The following AP4E1 variants were observed in gnomAD, a reference collection of about 807,000 sequenced individuals.
AP4E1 encodes the protein adaptor related protein complex 4 subunit epsilon 1, also known as AP-4 complex subunit epsilon-1.
A neutral mutation model predicts 128.2 loss-of-function variants in AP4E1; 56 were observed. That is an observed-to-expected ratio of 0.44 (90% CI 0.35 to 0.55). AP4E1 has a LOEUF of 0.55. AP4E1 is among the 20% of genes least tolerant of loss of function. The probability of loss-of-function intolerance (pLI) is 0.00; values close to 1 mark genes in which losing one functional copy is unlikely to be tolerated. For synonymous variants in AP4E1, 484 were observed against 473.1 expected (o/e 1.02, Z -0.30); for missense variants, 1,324 against 1,307.7 (o/e 1.01, Z -0.19).
intron 14 of AP4E1, among the ~76,000 whole-genome samples, chr15:50,960,449 A>G (rs1227971487): frequency 6.6e-6 from 1 of 150,442 alleles, no homozygotes; most frequent in Non-Finnish European, 1.5e-5. Context: ...TGATAAAACT[A>G]GAAATTAATA....
At chr15:50,932,370 A>G (rs1203347643) in intron 7 of AP4E1, among the ~76,000 whole-genome samples, 3 of 152,202 alleles carry the variant, frequency 2.0e-5, no homozygotes, top group African/African-American at 7.2e-5. Flanking sequence ...AGATTCATCA[A>G]TTTATTTTCA....
intron 2 of AP4E1, among the ~76,000 whole-genome samples, chr15:50,912,621 G>A (rs1240584824): frequency 1.3e-5 from 2 of 151,970 alleles, no homozygotes. Context: ...GCCACTGTGG[G>A]GCTGTCCCAG....
At chr15:50,974,622 T>C (rs1225391343) in intron 15 of AP4E1, among the ~76,000 whole-genome samples, 1 of 152,150 alleles carries the variant, frequency 6.6e-6, no homozygotes, top group Non-Finnish European at 1.5e-5. Flanking sequence ...GGTTGCACCA[T>C]TTTGCATTCC....
rs924185548 is a variant in AP4E1 at position 51,005,078 on chromosome 15, G to C, written c.*2416G>C. 1 of 152,072 alleles carries C rather than the reference G, an allele frequency of 6.6e-6. No homozygotes were observed. The highest frequency in any genetic ancestry group is 1.5e-5 in the Non-Finnish European group (1 of 68,080). The allele number at this position is 152,072 out of a possible 1,614,324, so 9.4% of individuals were successfully genotyped here. On this transcript the variant is annotated 3_prime_UTR_variant, in exon 21 of 21. Coordinates refer to ENST00000261842, the MANE Select transcript of AP4E1 (RefSeq NM_007347.5). ...TTTTTATATTTTTAGTAGAGACAAG[G>C]TTTCTCCATGTTGGTCAGGCTGGTC...
At chr15:50,964,988 C>G (rs1426292267) in intron 14 of AP4E1, among the ~76,000 whole-genome samples, 1 of 151,280 alleles carries the variant, frequency 6.6e-6, no homozygotes, top group African/African-American at 2.4e-5. Context: ...CACACACACA[C>G]ACACTGGACT....
At chr15:50,983,427 C>G (rs1353365636) in intron 15 of AP4E1, among the ~76,000 whole-genome samples, 1 of 152,046 alleles carries the variant, frequency 6.6e-6, no homozygotes, top group African/African-American at 2.4e-5. Flanking sequence ...TGGTCATGAT[C>G]TAGATAAGAA....
At chr15:50,990,762 A>G (rs1285409594) in intron 16 of AP4E1, among the ~76,000 whole-genome samples, 3 of 152,314 alleles carry the variant, frequency 2.0e-5, no homozygotes, top group South Asian at 4.1e-4. Flanking sequence ...TGCAGATGAA[A>G]TAAATAAGAA....
At chr15:50,947,638 C>T (rs1473802566) in intron 10 of AP4E1, among the ~76,000 whole-genome samples, 1 of 152,116 alleles carries the variant, frequency 6.6e-6, no homozygotes, top group East Asian at 1.9e-4. Flanking sequence ...GATTTATACA[C>T]ACATACATAC....
upstream of AP4E1, chr15:50,908,614 T>C (rs1026493869): frequency 6.4e-6 from 6 of 942,716 alleles, no homozygotes; most frequent in African/African-American, 1.1e-4. Context: ...TCTGGTGGCC[T>C]CTCGCGAGAA....
Position 50,916,610 on chromosome 15 carries a change from G to C in AP4E1, c.346+1039G>C, listed in dbSNP as rs533176072. ...TATTGCTCTGTGCTATCAGATGACGGGGTGAAGGTGACAGATGTCTTGGTA... is the reference window on the plus strand; with the variant it reads ...TATTGCTCTGTGCTATCAGATGACGCGGTGAAGGTGACAGATGTCTTGGTA... On this transcript the variant is annotated intron_variant, in intron 3 of 20. Transcript: ENST00000261842. Among the ~76,000 whole-genome samples the C allele has an allele frequency of 3.4e-4, 52 of 151,272 alleles. No homozygotes were observed. In the South Asian group the frequency reaches 7.9e-3, roughly 23 times the overall value.
At chr15:50,951,754 T>A (rs2064153870) in intron 13 of AP4E1, among the ~76,000 whole-genome samples, 1 of 134,504 alleles carries the variant, frequency 7.4e-6, no homozygotes, top group African/African-American at 2.9e-5. Flanking sequence ...TGAGACAGAG[T>A]CTTTCTCTGT....
intron 16 of AP4E1, among the ~76,000 whole-genome samples, chr15:50,992,799 C>T (rs571085043): frequency 6.6e-6 from 1 of 152,078 alleles, no homozygotes; most frequent in Admixed American, 6.6e-5. Context: ...GTGAGAAAAA[C>T]CTTTTGGATT....
intron 13 of AP4E1, among the ~76,000 whole-genome samples, chr15:50,951,282 G>A (rs1032739662): frequency 9.2e-5 from 14 of 152,148 alleles, no homozygotes; most frequent in African/African-American, 3.4e-4. Flanking sequence ...TCATTTTCTC[G>A]TGGCTGAGTT....
chr15:50,923,125 A>G (rs2063726759), intron 3 of AP4E1, among the ~76,000 whole-genome samples: 1 of 152,200 alleles, frequency 6.6e-6, no homozygotes, highest in South Asian at 2.1e-4. Context: ...TTGTGTGGTT[A>G]TGAGGATTAA....
Position 51,002,921 on chromosome 15 carries a change from A to T in AP4E1, c.*259A>T. On this transcript the variant is annotated 3_prime_UTR_variant, in exon 21 of 21. Coordinates refer to ENST00000261842, the MANE Select transcript of AP4E1 (RefSeq NM_007347.5). Reference sequence around the variant, plus strand: ...ATGTTATAAACTGCTAATGATTTATATATCACTTAGTGTGTAGAGGGACTG... The same window carrying T: ...ATGTTATAAACTGCTAATGATTTATTTATCACTTAGTGTGTAGAGGGACTG... 1 of 444,468 alleles carries T rather than the reference A, an allele frequency of 2.2e-6. No individual in the cohort carries two copies. Among genetic ancestry groups the T allele is most frequent in the South Asian group, 2.2e-5 (1 of 44,530 alleles). 27.5% of individuals were successfully genotyped at this position (444,468 alleles called of 1,614,324 possible).
Position 50,984,228 on chromosome 15 carries a change from C to T in AP4E1, c.2090+83C>T, listed in dbSNP as rs574546538. 3 of 1,475,246 alleles carry T rather than the reference C, an allele frequency of 2.0e-6. No homozygotes were observed. The African/African-American group carries it at 4.2e-5, about 20-fold the overall frequency. The allele number at this position is 1,475,246 out of a possible 1,614,324, so 91.4% of individuals were successfully genotyped here. On this transcript the variant is annotated intron_variant, in intron 16 of 20. Transcript: ENST00000261842. Reference sequence around the variant, plus strand: ...TTCCATTTGCCTTCTGCTCCTGCCTCATATCATCATGGTCATTATTTGCTT... The same window carrying T: ...TTCCATTTGCCTTCTGCTCCTGCCTTATATCATCATGGTCATTATTTGCTT...
chr15:50,911,670 G>GC lies in AP4E1; in HGVS notation c.151-408_151-407insC, dbSNP rs940152432. Among the ~76,000 whole-genome samples the GC allele has an allele frequency of 1.7e-4, 26 of 151,624 alleles. 1 individual carries two copies. Among genetic ancestry groups the GC allele is most frequent in the African/African-American group, 5.3e-4 (22 of 41,318 alleles). The stretch of plus-strand genomic sequence containing the variant: ...TGTTTGTATTTTTAGTAGGGACGGG[G>GC]TTTTGCCATGTTGGCCAGGCTGGTC... On this transcript the variant is annotated intron_variant, in intron 1 of 20. Transcript: ENST00000261842.
chr15:50,978,122 C>T (rs1457130613), intron 15 of AP4E1, among the ~76,000 whole-genome samples: 2 of 152,008 alleles, frequency 1.3e-5, no homozygotes, highest in Non-Finnish European at 1.5e-5. Context: ...GAATAAACTT[C>T]AGGAAAATAT....
upstream of AP4E1, chr15:50,908,443 G>T (rs2063520916): frequency 4.4e-6 from 1 of 228,970 alleles, no homozygotes. Context: ...GGGGACTCTG[G>T]GAGACAGTGC....
Sources: gnomAD v4.1 joint callset for allele counts (sites outside exome capture counted in the v4.1 genomes callset) on GRCh38, gnomAD v4.1.1 for gene constraint, MANE v1.5 for transcripts, NCBI Gene and HGNC (gene_info 2026-07-23, HGNC 2026-07-21) for gene names.